Variants in USHBP1 observed in about 807,000 individuals in gnomAD.
USHBP1 encodes USH1 protein network component harmonin binding protein 1.
In USHBP1, 67 loss-of-function variants were observed where a neutral mutation model predicts 76.2. The observed-to-expected ratio is 0.88, with a 90% CI of 0.72 to 1.08. The LOEUF is 1.08. USHBP1 is among the 50% of genes least tolerant of loss of function. The probability of loss-of-function intolerance (pLI) is 0.00; values close to 1 mark genes in which losing one functional copy is unlikely to be tolerated. For missense variants in USHBP1, 931 were observed against 915.0 expected (o/e 1.02, Z -0.23); for synonymous variants, 322 against 362.2 (o/e 0.89, Z 1.26).
intron 4 of USHBP1, among the ~76,000 whole-genome samples, chr19:17,261,999 A>ATT (rs33975731): frequency 4.8e-5 from 6 of 124,498 alleles, no homozygotes; most frequent in South Asian, 2.7e-4. Context: ...AACCTGGCTG[A>ATT]TTTTTTTTTT....
At position 17,260,038 on chromosome 19, in the gene USHBP1, G is replaced by C. The variant is rs1294846256; in HGVS notation, c.643-16C>G. ...GCTCTTGAACCTGGGAAAGATGAGGGGGACGTCAGGCCTAGGGGCTCAAAC... is the reference window on the plus strand; with the variant it reads ...GCTCTTGAACCTGGGAAAGATGAGGCGGACGTCAGGCCTAGGGGCTCAAAC... On this transcript the variant is annotated splice_polypyrimidine_tract_variant and intron_variant, in intron 4 of 12. Coordinates refer to ENST00000252597, the MANE Select transcript of USHBP1 (RefSeq NM_031941.4). The C allele has an allele frequency of 6.2e-7, 1 of 1,609,388 alleles. No homozygotes were observed. Among genetic ancestry groups the C allele is most frequent in the Admixed American group, 1.7e-5 (1 of 59,862 alleles).
chr19:17,254,771 C>G (rs1315866376), intron 10 of USHBP1, among the ~76,000 whole-genome samples: 1 of 151,970 alleles, frequency 6.6e-6, no homozygotes, highest in Non-Finnish European at 1.5e-5. Flanking sequence ...CCCACCTCAG[C>G]CACCCGAGTA....
In USHBP1 at chr19:17,261,740, C is replaced by T. The variant is rs368216934; in HGVS notation, c.642+812G>A. 4.3e-4 allele frequency among the ~76,000 whole-genome samples: 65 copies of T among 151,230 alleles called. No homozygotes were observed. The South Asian group carries it at 0.01, about 23-fold the overall frequency. On this transcript the variant is annotated intron_variant, in intron 4 of 12. Transcript: ENST00000252597. ...GCAACCTCCACCTCCTGGGATCAGG[C>T]GATTCTCGTGCCTTAGCCTCCCTGG...
rs1376104140 is a variant in USHBP1, at chr19:17,251,620, C to T, written c.1884G>A (p.Gln628=). The T allele has an allele frequency of 6.2e-7, 1 of 1,614,080 alleles. No homozygotes were observed. Among genetic ancestry groups the T allele is most frequent in the South Asian group, 1.1e-5 (1 of 91,086 alleles). ...ATAAATCCCTGTTCAGCTCGGCACT[C>T]TGAGACCGTCTGGCTCGCCCCTTCT... The part of the protein sequence containing the change: ...VAQKGRARRS[Q]SAELNRDLCK... Residue 628 remains glutamine, a synonymous_variant, in exon 12 of 13, where the codon CAG becomes CAA. Coordinates refer to ENST00000252597, the MANE Select transcript of USHBP1 (RefSeq NM_031941.4).
chr19:17,263,195 G>A (rs1451244543), intron 3 of USHBP1: 2 of 448,376 alleles, frequency 4.5e-6, no homozygotes, highest in South Asian at 7.1e-5. Flanking sequence ...CCACCACCAC[G>A]CCTGGCTAAT....
chr19:17,261,417 G>T (rs1267035356), intron 4 of USHBP1, among the ~76,000 whole-genome samples: 1 of 139,390 alleles, frequency 7.2e-6, no homozygotes, highest in Non-Finnish European at 1.5e-5. Context: ...CTCACTGCAA[G>T]CTCCGCCTCC....
intron 9 of USHBP1, 25 bp downstream of exon 9, chr19:17,256,446 C>T: frequency 6.2e-7 from 1 of 1,611,632 alleles, no homozygotes; most frequent in Non-Finnish European, 8.5e-7. Flanking sequence ...GAAAGACTGA[C>T]ACAGTGGCCA....
At chr19:17,251,047 A>G (rs2073544190) in intron 12 of USHBP1, among the ~76,000 whole-genome samples, 1 of 150,658 alleles carries the variant, frequency 6.6e-6, no homozygotes, top group East Asian at 2.0e-4. Flanking sequence ...TTTAGTAGAG[A>G]TGGGGTTTCT....
At chr19:17,259,764 AT>A in intron 5 of USHBP1, 32 bp from the exon 6 acceptor site, 4 of 1,589,132 alleles carry the variant, frequency 2.5e-6, no homozygotes, top group Non-Finnish European at 3.4e-6. Flanking sequence ...ACTGACCCCA[AT>A]TGTCACCAAG....
rs2073669232 is a variant in USHBP1 at position 17,260,017 on chromosome 19, T to A, written c.648A>T (p.Gln216His). 6.2e-7 allele frequency: 1 copy of A among 1,612,484 alleles called. No homozygotes were observed. Among genetic ancestry groups the A allele is most frequent in the South Asian group, 1.1e-5 (1 of 91,052 alleles). The change falls in exon 5 of 13, where the codon CAA (glutamine) becomes CAT (histidine). Residue 216 changes from glutamine to histidine, a missense_variant. Transcript: ENST00000252597. Reference protein sequence around the residue: ...AEKETLQKEVQELQDSLLRLE... With the variant: ...AEKETLQKEVHELQDSLLRLE... ...GCCTCAAGAGGGAATCCTGCAGCTC[T>A]TGAACCTGGGAAAGATGAGGGGGAC...
chr19:17,254,437 C>T (rs968143920), intron 10 of USHBP1, among the ~76,000 whole-genome samples: 3 of 151,714 alleles, frequency 2.0e-5, no homozygotes, highest in Non-Finnish European at 2.9e-5. Flanking sequence ...GGGCGCATCA[C>T]CTGAGGTTCA....
intron 10 of USHBP1, 30 bp from the exon 11 acceptor site, chr19:17,252,047 A>G: frequency 6.5e-7 from 1 of 1,540,054 alleles, no homozygotes; most frequent in Non-Finnish European, 8.7e-7. Context: ...AGAAAGTGAC[A>G]TTAACCTAGG....
chr19:17,263,389 G>A (rs749947736), intron 3 of USHBP1: 12 of 167,836 alleles, frequency 7.1e-5, no homozygotes, highest in Non-Finnish European at 1.3e-4. Flanking sequence ...GGAGGTGTGA[G>A]CGGAGCAGGG....
At chr19:17,255,758 T>C (rs908970318) in intron 9 of USHBP1, 152 bp from the exon 10 acceptor site, 3 of 828,370 alleles carry the variant, frequency 3.6e-6, no homozygotes, top group Non-Finnish European at 5.5e-6. Context: ...CCCAGCACTT[T>C]GGGAGGCCAA....
chr19:17,258,127 A>G (rs2073642657), intron 8 of USHBP1, 85 bp downstream of exon 8: 1 of 1,587,704 alleles, frequency 6.3e-7, no homozygotes, highest in Admixed American at 1.7e-5. Context: ...CCAAGCCCCG[A>G]AACGTGGTGA....
rs1203862980 is a variant in USHBP1 at position 17,262,688 on chromosome 19, C to A, written c.506G>T (p.Cys169Phe). Residue 169 changes from cysteine to phenylalanine, a missense_variant, in exon 4 of 13, where the codon TGC (cysteine) becomes TTC (phenylalanine). Coordinates refer to ENST00000252597, the MANE Select transcript of USHBP1 (RefSeq NM_031941.4). Reference sequence around the variant, plus strand: ...GGCCAGGCGAGCTGCCTCTCGCTGGCAGCTCCCTGCCCCTTCCTGCTTCCC... The same window carrying A: ...GGCCAGGCGAGCTGCCTCTCGCTGGAAGCTCCCTGCCCCTTCCTGCTTCCC... ...SLGKQEGAGS[C>F]QREAARLAER... 1 of 1,614,048 alleles carries A rather than the reference C, an allele frequency of 6.2e-7. No homozygotes were observed. The highest frequency in any genetic ancestry group is 2.2e-5 in the East Asian group (1 of 44,890).
Position 17,251,697 on chromosome 19 carries a change from C to T in USHBP1, c.1807G>A (p.Asp603Asn). The T allele has an allele frequency of 6.2e-7, 1 of 1,613,322 alleles. No individual in the cohort carries two copies. ...AGAGACTGCAGCTGCTCCTGCAGGT[C>T]CAGTGTCCTGTTGCGAAGGAGAAGA... is the stretch of plus-strand genomic sequence containing the variant. ...ELAASLTRTL[D>N]LQEQLQSLRR... Residue 603 changes from aspartate (D) to asparagine (N), a missense_variant, in exon 12 of 13, where the codon GAC becomes AAC. Coordinates refer to ENST00000252597, the MANE Select transcript of USHBP1 (RefSeq NM_031941.4).
intron 10 of USHBP1, 60 bp from the exon 11 acceptor site, chr19:17,252,077 A>T: frequency 1.3e-6 from 2 of 1,487,172 alleles, no homozygotes; most frequent in Non-Finnish European, 1.8e-6. Flanking sequence ...TGCTTGGCCC[A>T]CACTGGACAT....
intron 6 of USHBP1, 51 bp from the exon 7 acceptor site, chr19:17,259,480 C>G: frequency 6.2e-7 from 1 of 1,610,764 alleles, no homozygotes. Flanking sequence ...CTAAGGCAGT[C>G]AGGCCTCAAT....
Sources: gnomAD v4.1 joint callset for allele counts (sites outside exome capture counted in the v4.1 genomes callset) on GRCh38, gnomAD v4.1.1 for gene constraint, MANE v1.5 for transcripts, NCBI Gene and HGNC (gene_info 2026-07-23, HGNC 2026-07-21) for gene names.